TBC1D1: variants seen among roughly 807,000 people sequenced by gnomAD.
TBC1D1 encodes the protein TBC1 domain family member 1.
In TBC1D1, 89 loss-of-function variants were observed where a neutral mutation model predicts 125.6. The observed-to-expected ratio is 0.71, with a 90% confidence interval of 0.60 to 0.85. The LOEUF (loss-of-function observed/expected upper bound fraction) is 0.85, where lower values mean the gene tolerates loss of function less well. Among genes scored for constraint, TBC1D1 ranks in the 40% least tolerant of loss-of-function variants. The pLI is 0.00. For synonymous variants in TBC1D1, 565 were observed against 564.1 expected (o/e 1.00, Z -0.02); for missense variants, 1,377 against 1,469.2 (o/e 0.94, Z 1.03).
In TBC1D1 at chr4:37,934,114, T is replaced by A. The variant is rs553482429; in HGVS notation, c.417+31602T>A. Among the ~76,000 whole-genome samples the A allele has an allele frequency of 2.0e-5, 3 of 152,236 alleles. No individual in the cohort carries two copies. In the South Asian group the frequency reaches 6.2e-4, roughly 32 times the overall value. ...GGGAGACAGCTAATAGGTGAGAAGA[T>A]TTGGCCATAGTCATCCAGTGTGTTA... On this transcript the variant is annotated intron_variant, in intron 2 of 19. Transcript: ENST00000261439.
At chr4:37,903,629 C>G (rs1266959939) in intron 2 of TBC1D1, among the ~76,000 whole-genome samples, 1 of 152,212 alleles carries the variant, frequency 6.6e-6, no homozygotes, top group Non-Finnish European at 1.5e-5. Context: ...TATGTACTCT[C>G]TAGGGTGTAA....
chr4:38,066,735 A>T (rs1168223081), intron 12 of TBC1D1, among the ~76,000 whole-genome samples: 1 of 152,194 alleles, frequency 6.6e-6, no homozygotes, highest in Non-Finnish European at 1.5e-5. Context: ...GTGATGGCAC[A>T]TTCAGGGAGC....
In TBC1D1 at chr4:38,014,559, G is replaced by T. The variant is rs1742229061; in HGVS notation, c.468G>T (p.Gln156His). 1 of 1,613,352 alleles carries T rather than the reference G, an allele frequency of 6.2e-7. No homozygotes were observed. Among genetic ancestry groups the T allele is most frequent in the East Asian group, 2.2e-5 (1 of 44,886 alleles). Residue 156 changes from glutamine (Q) to histidine (H), a missense_variant, in exon 3 of 20, where the codon CAG becomes CAT. By Grantham distance (24) the Gln-to-His change is conservative. This residue lies in a region of TBC1D1 where 822 missense variants were observed against 824.6 expected (regional missense o/e 1.00). Coordinates refer to ENST00000261439, the MANE Select transcript of TBC1D1 (RefSeq NM_015173.4). The surrounding 1 kb of genome is among the most constrained non-coding windows in gnomAD (Gnocchi z 5.1). ...GTCAGGCGGGGAAGATCGCCCGGCA[G>T]GAGGAGCTGCACTGCCCGTCCGAGT...
At chr4:37,953,052 G>T (rs181855785) in intron 2 of TBC1D1, among the ~76,000 whole-genome samples, 90 of 152,322 alleles carry the variant, frequency 5.9e-4, no homozygotes, top group Middle Eastern at 3.4e-3. Flanking sequence ...CAGGTAATTG[G>T]AATCCATATG....
At chr4:38,019,228 CAG>C (rs1340030760) in intron 4 of TBC1D1, among the ~76,000 whole-genome samples, 1 of 151,828 alleles carries the variant, frequency 6.6e-6, no homozygotes, top group Non-Finnish European at 1.5e-5. Context: ...ATGAAAATGT[CAG>C]TGTTGATTTA....
chr4:38,084,390 C>T (rs1312762201), intron 12 of TBC1D1, among the ~76,000 whole-genome samples: 2 of 152,246 alleles, frequency 1.3e-5, no homozygotes, highest in Non-Finnish European at 2.9e-5. Context: ...TGAATCTGTT[C>T]ATTCATTGAA....
At chr4:37,932,983 G>A (rs1490553251) in intron 2 of TBC1D1, among the ~76,000 whole-genome samples, 1 of 151,818 alleles carries the variant, frequency 6.6e-6, no homozygotes, top group Non-Finnish European at 1.5e-5. Context: ...CTTGAATCTG[G>A]GAGGCAGAGG....
chr4:37,903,780 G>A (rs1028096600), intron 2 of TBC1D1, among the ~76,000 whole-genome samples: 5 of 152,160 alleles, frequency 3.3e-5, no homozygotes, highest in African/African-American at 9.7e-5. Flanking sequence ...AGGAAGGCAG[G>A]AGCATCAGTG....
chr4:37,940,319 C>T (rs1725284683), intron 2 of TBC1D1, among the ~76,000 whole-genome samples: 1 of 152,160 alleles, frequency 6.6e-6, no homozygotes. Context: ...ATTTGGCTCT[C>T]TGTTTGTCTT....
At chr4:38,116,324 T>A (rs1020205697) in intron 16 of TBC1D1, among the ~76,000 whole-genome samples, 6 of 152,172 alleles carry the variant, frequency 3.9e-5, no homozygotes, top group African/African-American at 1.4e-4. Context: ...AGCCTCTGCA[T>A]CTGCTCTTCC....
At chr4:38,087,671 G>A (rs144253082) in intron 12 of TBC1D1, among the ~76,000 whole-genome samples, 47 of 151,748 alleles carry the variant, frequency 3.1e-4, no homozygotes, top group African/African-American at 9.4e-4. Flanking sequence ...GTGAAACCCC[G>A]TCTCAACTGA....
intron 7 of TBC1D1, among the ~76,000 whole-genome samples, chr4:38,033,804 C>G (rs910225986): frequency 1.3e-5 from 2 of 152,204 alleles, no homozygotes; most frequent in Non-Finnish European, 2.9e-5. Flanking sequence ...GTAGCCTTTT[C>G]AGACTGGCTT....
chr4:37,899,144 C>A (rs1342124836), intron 1 of TBC1D1, among the ~76,000 whole-genome samples: 2 of 151,320 alleles, frequency 1.3e-5, no homozygotes, highest in Non-Finnish European at 1.5e-5. Context: ...TTCTCTAGGA[C>A]GAAAAAGAAA....
At chr4:37,955,263 G>A (rs960438729) in intron 2 of TBC1D1, among the ~76,000 whole-genome samples, 7 of 152,008 alleles carry the variant, frequency 4.6e-5, no homozygotes, top group Non-Finnish European at 1.0e-4. Flanking sequence ...TTTTCCAAAG[G>A]TAGCGCAGAC....
chr4:37,928,328 C>T lies in TBC1D1; in HGVS notation c.417+25816C>T, dbSNP rs553015178. On this transcript the variant is annotated intron_variant, in intron 2 of 19. Coordinates refer to ENST00000261439, the MANE Select transcript of TBC1D1 (RefSeq NM_015173.4). ...CAACCAACCTAATTGTGATGAAGTC[C>T]AACAGCGGCAAATATTGATGTTGTT... 2.0e-5 allele frequency among the ~76,000 whole-genome samples: 3 copies of T among 152,210 alleles called. No individual in the cohort carries two copies. In the East Asian group the frequency reaches 5.8e-4, roughly 29 times the overall value.
chr4:38,074,630 T>C (rs1755253273), intron 12 of TBC1D1, among the ~76,000 whole-genome samples: 1 of 152,214 alleles, frequency 6.6e-6, no homozygotes, highest in Admixed American at 6.5e-5. Context: ...CTGCCTCCCC[T>C]GTTTCTGTCT....
intron 2 of TBC1D1, among the ~76,000 whole-genome samples, chr4:38,008,353 A>G (rs1263232155): frequency 2.0e-5 from 3 of 152,200 alleles, no homozygotes. Context: ...AAATGTTTGT[A>G]GAAAGGTGTT....
chr4:38,042,763 C>T (rs1361012443), intron 8 of TBC1D1, among the ~76,000 whole-genome samples: 1 of 152,166 alleles, frequency 6.6e-6, no homozygotes, highest in Non-Finnish European at 1.5e-5. Context: ...CTGTTCTCAA[C>T]CCCTGGCAAA....
intron 3 of TBC1D1, among the ~76,000 whole-genome samples, chr4:38,015,961 G>A (rs1307501578): frequency 6.6e-6 from 1 of 152,080 alleles, no homozygotes; most frequent in African/African-American, 2.4e-5. Flanking sequence ...TTTGTGATCT[G>A]CATCTTTTAA....
Sources: gnomAD v4.1 joint callset for allele counts (sites outside exome capture counted in the v4.1 genomes callset) on GRCh38, gnomAD v4.1.1 for gene constraint, gnomAD v4.1.1 regional missense constraint, Gnocchi (gnomAD v3.1) non-coding constraint, MANE v1.5 for transcripts, NCBI Gene and HGNC (gene_info 2026-07-23, HGNC 2026-07-21) for gene names.